ITM2C: variants seen among roughly 807,000 people sequenced by gnomAD.
ITM2C encodes integral membrane protein 2C, also known as BRICHOS domain containing 2C.
Under a neutral mutation model 30.0 loss-of-function variants are expected in ITM2C, and 20 were observed. The ratio of observed to expected loss-of-function variants is 0.67; its 90% CI spans 0.47 to 0.97. The LOEUF is 0.97. Among genes scored for constraint, ITM2C ranks in the 50% least tolerant of loss-of-function variants. The pLI is 0.00. For synonymous variants in ITM2C, 167 were observed against 156.4 expected, an observed-to-expected ratio of 1.07 and a Z score of -0.51; for missense variants, 366 against 371.9, an observed-to-expected ratio of 0.98 and a Z score of 0.13.
intron 1 of ITM2C, among the ~76,000 whole-genome samples, chr2:230,869,524 G>C (rs971497947): frequency 1.3e-5 from 2 of 152,198 alleles, no homozygotes; most frequent in Non-Finnish European, 2.9e-5. Context: ...GGAGAGATGT[G>C]GGGGAGGTGA....
intron 1 of ITM2C, among the ~76,000 whole-genome samples, chr2:230,866,256 G>A (rs895434930): frequency 6.6e-6 from 1 of 152,234 alleles, no homozygotes; most frequent in African/African-American, 2.4e-5. Flanking sequence ...GCAGGACTGA[G>A]AAAGTCTTTG....
intron 1 of ITM2C, among the ~76,000 whole-genome samples, chr2:230,868,483 A>T (rs72995292): frequency 1.5e-3 from 231 of 151,302 alleles, no homozygotes; most frequent in Non-Finnish European, 2.4e-3. Flanking sequence ...ACACACACAC[A>T]CTTATGCACA....
chr2:230,875,836 G>GA, intron 3 of ITM2C, 28 bp downstream of exon 3: 1 of 396,380 alleles, frequency 2.5e-6, no homozygotes. Flanking sequence ...CTGGGGGTGG[G>GA]GGGTGGGAGG....
intron 1 of ITM2C, among the ~76,000 whole-genome samples, chr2:230,870,323 G>C (rs146068890): frequency 1.3e-5 from 2 of 152,242 alleles, no homozygotes; most frequent in Admixed American, 6.5e-5. Context: ...AAATGCCTTC[G>C]CCTCCAAGCA....
At chr2:230,868,703 G>A (rs3098330) in intron 1 of ITM2C, among the ~76,000 whole-genome samples, 59,687 of 152,146 alleles carry the variant, frequency 0.39, 13,467 homozygotes, top group East Asian at 0.84. Flanking sequence ...CAGGCCCTCG[G>A]CAGGAGGAGC....
chr2:230,871,746 G>A (rs1321703484), intron 1 of ITM2C, among the ~76,000 whole-genome samples: 1 of 152,238 alleles, frequency 6.6e-6, no homozygotes, highest in African/African-American at 2.4e-5. Context: ...ACCCCATGGT[G>A]AGGATGCTGG....
At chr2:230,868,276 A>G (rs1028254576) in intron 1 of ITM2C, among the ~76,000 whole-genome samples, 7 of 151,722 alleles carry the variant, frequency 4.6e-5, no homozygotes, top group African/African-American at 1.7e-4. Context: ...TGGTGTTTTG[A>G]CTCTGAGATA....
intron 1 of ITM2C, among the ~76,000 whole-genome samples, chr2:230,869,411 C>G (rs1386497936): frequency 6.6e-6 from 1 of 152,184 alleles, no homozygotes; most frequent in Non-Finnish European, 1.5e-5. Context: ...ACTCTCCTCT[C>G]CCCCAGCTAG....
chr2:230,873,096 A>C, intron 1 of ITM2C: 1 of 267,700 alleles, frequency 3.7e-6, no homozygotes, highest in Non-Finnish European at 6.9e-6. Context: ...GGTATAAGCA[A>C]GAGGCCTAAG....
Position 230,873,522 on chromosome 2 carries a change from T to A in ITM2C, c.226T>A (p.Ser76Thr). ...GCTGCTCATGGGCCTCGTGTTCGCC[T>A]CTGTCTACATCTACAGATACTTCTT... Reference protein sequence around the residue: ...VVLLMGLVFASVYIYRYFFLA... With the variant: ...VVLLMGLVFATVYIYRYFFLA... The change falls in exon 2 of 6, where the codon TCT (serine) becomes ACT (threonine). Residue 76 changes from serine (S) to threonine (T), a missense_variant. Coordinates refer to ENST00000326427, the MANE Select transcript of ITM2C (RefSeq NM_030926.6). 2 of 1,610,018 alleles carry A rather than the reference T, an allele frequency of 1.2e-6. No individual in the cohort carries two copies. Among genetic ancestry groups the A allele is most frequent in the Non-Finnish European group, 1.7e-6 (2 of 1,178,454 alleles).
intron 2 of ITM2C, among the ~76,000 whole-genome samples, chr2:230,875,088 C>G (rs1697258597): frequency 6.6e-6 from 1 of 152,218 alleles, no homozygotes; most frequent in Non-Finnish European, 1.5e-5. Context: ...GCCAGGACAG[C>G]AGGTGACAGG....
rs369198623 is a variant in ITM2C at position 230,876,842 on chromosome 2, C to A, written c.451-15C>A. ...CACCTCCTGCAGAGACTGACCCAACCCCTTCTCCTGCCAGGGTCTGACTGC... is the reference window on the plus strand; with the variant it reads ...CACCTCCTGCAGAGACTGACCCAACACCTTCTCCTGCCAGGGTCTGACTGC... On this transcript the variant is annotated splice_polypyrimidine_tract_variant and intron_variant, in intron 3 of 5. Transcript: ENST00000326427. 30 of 1,583,544 alleles carry A rather than the reference C, an allele frequency of 1.9e-5. No homozygotes were observed. Among genetic ancestry groups the A allele is most frequent in the Non-Finnish European group, 2.6e-5 (30 of 1,152,540 alleles).
In ITM2C at chr2:230,865,332, C is replaced by T; in HGVS notation, c.120+187C>T. 1 of 569,214 alleles carries T rather than the reference C, an allele frequency of 1.8e-6. No individual in the cohort carries two copies. Among genetic ancestry groups the T allele is most frequent in the Non-Finnish European group, 2.6e-6 (1 of 382,190 alleles). The allele number at this position is 569,214 out of a possible 1,614,324, so 35.3% of individuals were successfully genotyped here. ...AGGGGGCTTAAGTCCCGTACTAAAG[C>T]GGCAGCCAAAAGCTGAAGTCCGAAG... On this transcript the variant is annotated intron_variant, in intron 1 of 5. Transcript: ENST00000326427. This position sits in a 1 kb window ranked among gnomAD's most constrained non-coding sequence, Gnocchi z 6.8.
At position 230,877,423 on chromosome 2, in the gene ITM2C, G is replaced by T; in HGVS notation, c.585G>T (p.Thr195=). ...AGAGGGGGACCTACCTGCCGCAGAC[G>T]TACATCATCCAGGAGGAGATGGTGG... ...NVKRGTYLPQ[T]YIIQEEMVVT... Residue 195 remains threonine, a synonymous_variant, in exon 5 of 6, where the codon ACG becomes ACT. Transcript: ENST00000326427. This position sits in a 1 kb window ranked among gnomAD's most constrained non-coding sequence, Gnocchi z 4.8. 2 of 1,613,974 alleles carry T rather than the reference G, an allele frequency of 1.2e-6. No individual in the cohort carries two copies. The highest frequency in any genetic ancestry group is 1.7e-5 in the Admixed American group (1 of 60,020).
At chr2:230,876,435 GC>G (rs1697299094) in intron 3 of ITM2C, among the ~76,000 whole-genome samples, 1 of 152,086 alleles carries the variant, frequency 6.6e-6, no homozygotes, top group East Asian at 1.9e-4. Flanking sequence ...GCTCCTGAAG[GC>G]CCAGGGTCCC....
Position 230,878,277 on chromosome 2 carries a change from G to T in ITM2C, c.*178G>T. On this transcript the variant is annotated 3_prime_UTR_variant, in exon 6 of 6. Coordinates refer to ENST00000326427, the MANE Select transcript of ITM2C (RefSeq NM_030926.6). The surrounding 1 kb of genome is among the most constrained non-coding windows in gnomAD (Gnocchi z 4.5). ...CCCTGTACCAGAGCTGTGATCTCTCGGTGGGGGGCCCATCTCTGCTGACCT... is the reference window on the plus strand; with the variant it reads ...CCCTGTACCAGAGCTGTGATCTCTCTGTGGGGGGCCCATCTCTGCTGACCT... The T allele has an allele frequency of 2.3e-6, 1 of 436,916 alleles. No individual in the cohort carries two copies. The highest frequency in any genetic ancestry group is 4.5e-5 in the South Asian group (1 of 22,324). The allele number at this position is 436,916 out of a possible 1,614,324, so 27.1% of individuals were successfully genotyped here.
chr2:230,877,648 C>T lies in ITM2C; in HGVS notation c.712+98C>T. On this transcript the variant is annotated intron_variant, in intron 5 of 5. Transcript: ENST00000326427. This position sits in a 1 kb window ranked among gnomAD's most constrained non-coding sequence, Gnocchi z 4.8. Reference sequence around the variant, plus strand: ...AGCTGTCAGAGAGCTCAGATAGCAGCAGCAATAACAGCTAGCATTAGCAGA... The same window carrying T: ...AGCTGTCAGAGAGCTCAGATAGCAGTAGCAATAACAGCTAGCATTAGCAGA... 4.7e-6 allele frequency: 6 copies of T among 1,281,442 alleles called. No individual in the cohort carries two copies. Among genetic ancestry groups the T allele is most frequent in the Non-Finnish European group, 6.6e-6 (6 of 903,498 alleles). 79.4% of individuals were successfully genotyped at this position (1,281,442 alleles called of 1,614,324 possible). A position where few individuals can be genotyped will look rare whatever the true frequency, so the allele number is the denominator to read the frequency against.
At chr2:230,872,340 G>T (rs1300044208) in intron 1 of ITM2C, among the ~76,000 whole-genome samples, 1 of 152,230 alleles carries the variant, frequency 6.6e-6, no homozygotes, top group East Asian at 1.9e-4. Context: ...GTGAGCAAGG[G>T]CCCGGGGGAA....
At chr2:230,873,654 C>A in intron 2 of ITM2C, 97 bp downstream of exon 2, 1 of 1,252,102 alleles carries the variant, frequency 8.0e-7, no homozygotes. Flanking sequence ...CAGGAAGCCC[C>A]AGACATGCCC....
Sources: gnomAD v4.1 joint callset for allele counts (sites outside exome capture counted in the v4.1 genomes callset) on GRCh38, gnomAD v4.1.1 for gene constraint, Gnocchi (gnomAD v3.1) non-coding constraint, MANE v1.5 for transcripts, NCBI Gene and HGNC (gene_info 2026-07-23, HGNC 2026-07-21) for gene names.